The following MEGF11 variants were observed in gnomAD, a reference collection of about 807,000 sequenced individuals.
MEGF11 encodes the protein multiple epidermal growth factor-like domains protein 11.
MEGF11 carries 126 observed loss-of-function variants against 146.6 expected under a neutral mutation model. That is an observed-to-expected ratio of 0.86 (90% CI 0.74 to 1.00). MEGF11 has a LOEUF of 1.00. Among genes scored for constraint, MEGF11 ranks in the 50% least tolerant of loss-of-function variants. The pLI is 0.00. For synonymous variants in MEGF11, 532 were observed against 583.4 expected (o/e 0.91, Z 1.27); for missense variants, 1,509 against 1,521.2 (o/e 0.99, Z 0.13).
At chr15:65,990,068 A>G (rs1310546160) in intron 5 of MEGF11, among the ~76,000 whole-genome samples, 2 of 152,110 alleles carry the variant, frequency 1.3e-5, no homozygotes, top group African/African-American at 2.4e-5. Flanking sequence ...AAAATTATCC[A>G]GCTGTGGTGG....
intron 5 of MEGF11, among the ~76,000 whole-genome samples, chr15:66,045,102 A>G (rs1205860525): frequency 1.3e-5 from 2 of 152,194 alleles, no homozygotes; most frequent in Admixed American, 1.3e-4. Flanking sequence ...GCCTTAAAAT[A>G]ACAAAAATGT....
intron 7 of MEGF11, among the ~76,000 whole-genome samples, chr15:65,977,477 CTTTTTTTT>C (rs1180788795): frequency 1.5e-5 from 2 of 130,368 alleles, no homozygotes; most frequent in East Asian, 2.2e-4. Context: ...CTCTCTCCCT[CTTTTTTTT>C]TTTTTTTTTT....
chr15:66,017,992 G>A (rs1235010794), intron 5 of MEGF11, among the ~76,000 whole-genome samples: 2 of 152,238 alleles, frequency 1.3e-5, no homozygotes, highest in Non-Finnish European at 2.9e-5. Flanking sequence ...CTTCAGGGAA[G>A]GAGCCGGGTG....
At chr15:66,039,092 T>C (rs1416649531) in intron 5 of MEGF11, among the ~76,000 whole-genome samples, 1 of 152,202 alleles carries the variant, frequency 6.6e-6, no homozygotes, top group Non-Finnish European at 1.5e-5. Flanking sequence ...AAATGAATGA[T>C]AAATGGGTCC....
chr15:66,065,345 A>G (rs1325921056), intron 5 of MEGF11, among the ~76,000 whole-genome samples: 2 of 152,142 alleles, frequency 1.3e-5, no homozygotes, highest in Non-Finnish European at 2.9e-5. Flanking sequence ...AGCAAATAAA[A>G]AACAAAGGGG....
intron 8 of MEGF11, chr15:65,966,926 A>T (rs773845226): frequency 2.0e-5 from 3 of 151,918 alleles, no homozygotes; most frequent in Non-Finnish European, 2.9e-5. Context: ...CGGATAAGTC[A>T]AGGGTTAAAC....
rs1334807019 is a variant in MEGF11 at position 65,982,901 on chromosome 15, C to G, written c.395-413G>C. Among the ~76,000 whole-genome samples the G allele has an allele frequency of 6.6e-6, 1 of 150,422 alleles. No individual in the cohort carries two copies. The highest frequency in any genetic ancestry group is 1.5e-5 in the Non-Finnish European group (1 of 67,360). ...GGGCCCTTTCTTTTCCCATCTGCCA[C>G]CCCTCTCCTCTGTGACCCTACCCCT... is the stretch of plus-strand genomic sequence containing the variant. On this transcript the variant is annotated intron_variant, in intron 5 of 25. Coordinates refer to ENST00000395614, the MANE Select transcript of MEGF11 (RefSeq NM_001385028.1). The surrounding 1 kb of genome is among the most constrained non-coding windows in gnomAD (Gnocchi z 5.6).
intron 8 of MEGF11, among the ~76,000 whole-genome samples, chr15:65,966,864 A>G (rs2081118277): frequency 6.6e-6 from 1 of 151,512 alleles, no homozygotes; most frequent in Non-Finnish European, 1.5e-5. Flanking sequence ...CCTTACCCCC[A>G]CCCTGGGCTC....
chr15:65,914,091 G>T, intron 19 of MEGF11, 118 bp from the exon 20 acceptor site: 1 of 773,484 alleles, frequency 1.3e-6, no homozygotes, highest in South Asian at 1.7e-5. Flanking sequence ...TCTGGCTTTG[G>T]CCCGATTCCT....
chr15:65,970,497 C>A, intron 8 of MEGF11, 56 bp downstream of exon 8: 1 of 1,573,998 alleles, frequency 6.4e-7, no homozygotes, highest in African/African-American at 1.3e-5. Flanking sequence ...CTCTGCAAGT[C>A]TCCTATGAAT....
chr15:66,176,839 G>C, intron 1 of MEGF11, among the ~76,000 whole-genome samples: 1 of 152,124 alleles, frequency 6.6e-6, no homozygotes, highest in Non-Finnish European at 1.5e-5. Flanking sequence ...GATGGCCTTG[G>C]GTGTTTCAGC....
At chr15:66,209,832 T>C (rs199943195) in intron 1 of MEGF11, among the ~76,000 whole-genome samples, 226 of 149,212 alleles carry the variant, frequency 1.5e-3, no homozygotes, top group Middle Eastern at 3.5e-3. Context: ...ACAGAAATGT[T>C]TTTTTTTTTT....
intron 5 of MEGF11, among the ~76,000 whole-genome samples, chr15:66,049,273 C>G (rs1160933630): frequency 6.6e-6 from 1 of 152,178 alleles, no homozygotes; most frequent in Non-Finnish European, 1.5e-5. Flanking sequence ...AGCCTGTATT[C>G]TAGGTTCCAA....
chr15:66,186,054 T>C (rs2090690886), intron 1 of MEGF11, among the ~76,000 whole-genome samples: 1 of 152,064 alleles, frequency 6.6e-6, no homozygotes, highest in South Asian at 2.1e-4. Context: ...GGACCTTCCT[T>C]CATAGGGTTC....
intron 1 of MEGF11, among the ~76,000 whole-genome samples, chr15:66,232,376 GGC>G (rs2091985908): frequency 6.6e-6 from 1 of 152,192 alleles, no homozygotes; most frequent in African/African-American, 2.4e-5. Flanking sequence ...CCCCAGTCAA[GGC>G]AGACAGTAGG....
chr15:66,207,356 T>C (rs2091326582), intron 1 of MEGF11, among the ~76,000 whole-genome samples: 1 of 152,230 alleles, frequency 6.6e-6, no homozygotes, highest in African/African-American at 2.4e-5. Context: ...TTATCAGCTG[T>C]TTTCTCATCA....
intron 5 of MEGF11, among the ~76,000 whole-genome samples, chr15:66,081,120 G>A (rs2085836401): frequency 6.6e-6 from 1 of 152,146 alleles, no homozygotes; most frequent in South Asian, 2.1e-4. Context: ...CACCTGGAGG[G>A]GGCGAGGATG....
chr15:66,146,553 G>A (rs1354008667), intron 1 of MEGF11, among the ~76,000 whole-genome samples: 1 of 152,262 alleles, frequency 6.6e-6, no homozygotes, highest in Non-Finnish European at 1.5e-5. Flanking sequence ...CCGTGGCTCT[G>A]CCACGTGTGA....
intron 4 of MEGF11, among the ~76,000 whole-genome samples, chr15:66,115,810 G>A (rs1036257035): frequency 7.2e-5 from 11 of 152,204 alleles, no homozygotes; most frequent in Admixed American, 6.5e-4. Context: ...ACCATGTGAC[G>A]ATCAGAGTCC....
Sources: gnomAD v4.1 joint callset for allele counts (sites outside exome capture counted in the v4.1 genomes callset) on GRCh38, gnomAD v4.1.1 for gene constraint, Gnocchi (gnomAD v3.1) non-coding constraint, MANE v1.5 for transcripts, NCBI Gene and HGNC (gene_info 2026-07-23, HGNC 2026-07-21) for gene names.